CIBAR1: variants seen among roughly 807,000 people sequenced by gnomAD.
The protein encoded by CIBAR1 is CBY1 interacting BAR domain containing 1.
A neutral mutation model predicts 44.0 loss-of-function variants in CIBAR1; 25 were observed. That is an observed-to-expected ratio of 0.57 (90% CI 0.41 to 0.79). CIBAR1 has a LOEUF of 0.79. Ranked by LOEUF, CIBAR1 falls within the 30% of genes least tolerant of loss-of-function variation. The pLI, the probability that CIBAR1 is intolerant of heterozygous loss-of-function variation, is 0.00. For missense variants in CIBAR1, 278 were observed against 344.8 expected (o/e 0.81, Z 1.53); for synonymous variants, 115 against 119.0 (o/e 0.97, Z 0.22).
In CIBAR1 at chr8:93,701,254, T is replaced by G; in HGVS notation, c.57T>G (p.Ala19=). The change falls in exon 2 of 9, where the codon GCT becomes GCG. Residue 19 remains alanine (A), a synonymous_variant. Transcript: ENST00000518322. ...RNAQTKQLQT[A]VSNVEKHFGE... ...CTCAAACGAAACAACTGCAAACAGC[T>G]GTCTCAAATGTGGAGAAGCATTTTG... 6.2e-7 allele frequency: 1 copy of G among 1,613,642 alleles called. No homozygotes were observed. The highest frequency in any genetic ancestry group is 8.5e-7 in the Non-Finnish European group (1 of 1,179,754).
At chr8:93,710,836 CAAAAAAA>C (rs35465241) in intron 6 of CIBAR1, among the ~76,000 whole-genome samples, 1 of 120,600 alleles carries the variant, frequency 8.3e-6, no homozygotes, top group Admixed American at 8.8e-5. Flanking sequence ...GACTCTGACT[CAAAAAAA>C]AAAAAAAAAG....
At chr8:93,713,076 A>G (rs571908631) in intron 6 of CIBAR1, among the ~76,000 whole-genome samples, 123 of 122,006 alleles carry the variant, frequency 1.0e-3, no homozygotes, top group Non-Finnish European at 1.6e-3. Context: ...TCTGTCGCCC[A>G]GGCTGGAGTG....
intron 6 of CIBAR1, 38 bp downstream of exon 6, chr8:93,709,913 A>C (rs2130313829): frequency 1.4e-6 from 2 of 1,471,706 alleles, no homozygotes; most frequent in Non-Finnish European, 1.9e-6. Flanking sequence ...ACATGTTTTT[A>C]ACCTTTTTTT....
At chr8:93,720,373 A>G (rs1038043462) in intron 7 of CIBAR1, among the ~76,000 whole-genome samples, 4 of 152,180 alleles carry the variant, frequency 2.6e-5, no homozygotes, top group African/African-American at 7.2e-5. Flanking sequence ...TAAAACCAGA[A>G]TATAGGTTAA....
Position 93,704,920 on chromosome 8 carries a change from A to C in CIBAR1, c.342A>C (p.Lys114Asn). 6.2e-7 allele frequency: 1 copy of C among 1,602,606 alleles called. No individual in the cohort carries two copies. The highest frequency in any genetic ancestry group is 8.5e-7 in the Non-Finnish European group (1 of 1,175,924). The change falls in exon 4 of 9, where the codon AAA (lysine) becomes AAC (asparagine). Residue 114 changes from lysine to asparagine, a missense_variant. This residue lies in a region of CIBAR1 where 183 missense variants were observed against 218.6 expected (regional missense o/e 0.84). Coordinates refer to ENST00000518322, the MANE Select transcript of CIBAR1 (RefSeq NM_145269.5). ...ATGCCAATTTGCAGGATGACCTCAA[A>C]GCAACACTCACAGCAAGGAATCGAG... ...TIVKMKRDDL[K>N]ATLTARNREA... is the part of the protein sequence containing the mutation.
Position 93,728,398 on chromosome 8 carries a change from C to A in CIBAR1, c.*101C>A. 1 of 705,486 alleles carries A rather than the reference C, an allele frequency of 1.4e-6. No individual in the cohort carries two copies. The allele number at this position is 705,486 out of a possible 1,614,324, so 43.7% of individuals were successfully genotyped here. On this transcript the variant is annotated 3_prime_UTR_variant, in exon 9 of 9. Coordinates refer to ENST00000518322, the MANE Select transcript of CIBAR1 (RefSeq NM_145269.5). ...GCTATGTTAAGCCTCAAAGTGAAGT[C>A]CAACTGGAAACAGAAAAATAATTAA... is the stretch of plus-strand genomic sequence containing the variant.
chr8:93,703,714 AC>A, intron 3 of CIBAR1, 26 bp downstream of exon 3: 1 of 1,516,800 alleles, frequency 6.6e-7, no homozygotes, highest in Non-Finnish European at 8.9e-7. Flanking sequence ...TTCTCACTTA[AC>A]TGTGAGTTAC....
chr8:93,701,560 T>G, intron 2 of CIBAR1, 102 bp downstream of exon 2: 3 of 931,594 alleles, frequency 3.2e-6, no homozygotes, highest in Non-Finnish European at 4.9e-6. Flanking sequence ...ACTGCAGAGG[T>G]GGATGCAAAC....
rs1172271050 is a variant in CIBAR1 at position 93,730,547 on chromosome 8, G to A, written c.*2250G>A. 3 of 152,196 alleles carry A rather than the reference G, an allele frequency of 2.0e-5. No homozygotes were observed. The highest frequency in any genetic ancestry group is 2.9e-5 in the Non-Finnish European group (2 of 68,048). 9.4% of individuals were successfully genotyped at this position (152,196 alleles called of 1,614,324 possible). A position where few individuals can be genotyped will look rare whatever the true frequency, so the allele number is the denominator to read the frequency against. ...ACGACAATTACTGAAGCTGAGTGAT[G>A]TGTACATGAAAATTTACTATTCTTT... On this transcript the variant is annotated 3_prime_UTR_variant, in exon 9 of 9. Transcript: ENST00000518322.
Position 93,701,327 on chromosome 8 carries a change from C to T in CIBAR1, c.130C>T (p.Leu44=), listed in dbSNP as rs1402440499. The part of the protein sequence containing the change: ...FAAYVRKTAR[L]RDKADLLVNE... ...TGCCTATGTGCGGAAAACTGCCAGG[C>T]TGAGAGACAAAGCAGACCTCCTGGT... Residue 44 remains leucine, a synonymous_variant, in exon 2 of 9, where the codon CTG becomes TTG. Coordinates refer to ENST00000518322, the MANE Select transcript of CIBAR1 (RefSeq NM_145269.5). The T allele has an allele frequency of 4.3e-6, 7 of 1,613,698 alleles. No homozygotes were observed. The South Asian group carries it at 7.7e-5, about 18-fold the overall frequency.
chr8:93,703,552 G>T, intron 2 of CIBAR1, 68 bp from the exon 3 acceptor site: 2 of 901,010 alleles, frequency 2.2e-6, no homozygotes, highest in Non-Finnish European at 3.4e-6. Flanking sequence ...AATTTCTAGT[G>T]ATTAGCCTTT....
intron 5 of CIBAR1, among the ~76,000 whole-genome samples, chr8:93,709,089 G>A (rs961240057): frequency 6.6e-6 from 1 of 152,106 alleles, no homozygotes; most frequent in African/African-American, 2.4e-5. Flanking sequence ...GACCAGCCTG[G>A]CCAATGTGAC....
At position 93,702,043 on chromosome 8, in the gene CIBAR1, C is replaced by T. The variant is rs1810381499; in HGVS notation, c.261+585C>T. The T allele has an allele frequency of 3.1e-5, 7 of 226,472 alleles. No individual in the cohort carries two copies. In the South Asian group the frequency reaches 3.4e-4, roughly 11 times the overall value. The allele number at this position is 226,472 out of a possible 1,614,324, so 14.0% of individuals were successfully genotyped here. ...TGTGATTGTTTTCTTTCTAAAAGCC[C>T]ATATTTTTCCTTTAAATACTTAATA... On this transcript the variant is annotated intron_variant, in intron 2 of 8. Coordinates refer to ENST00000518322, the MANE Select transcript of CIBAR1 (RefSeq NM_145269.5).
intron 3 of CIBAR1, among the ~76,000 whole-genome samples, chr8:93,704,475 C>G (rs529600375): frequency 1.3e-5 from 2 of 152,282 alleles, no homozygotes; most frequent in African/African-American, 4.8e-5. Context: ...AGAGGCAGAG[C>G]TCAGGCCTTA....
In CIBAR1 at chr8:93,728,186, G is replaced by C. The variant is rs761479386; in HGVS notation, c.778-19G>C. On this transcript the variant is annotated intron_variant, in intron 8 of 8. Transcript: ENST00000518322. ...TAAGTTAGTATTTTTATTTTAAAAA[G>C]TGTGTTAACTTTTAACAGGTATCCA... 6 of 1,461,134 alleles carry C rather than the reference G, an allele frequency of 4.1e-6. No homozygotes were observed. Among genetic ancestry groups the C allele is most frequent in the Non-Finnish European group, 5.5e-6 (6 of 1,096,684 alleles). The allele number at this position is 1,461,134 out of a possible 1,614,324, so 90.5% of individuals were successfully genotyped here.
rs188146613 is a variant in CIBAR1 at position 93,707,774 on chromosome 8, A to G, written c.433-237A>G. ...GATTTTTTAAAATTCTACACCCCAT[A>G]TTGTAAATGTATATACAAACACAGA... is the stretch of plus-strand genomic sequence containing the variant. On this transcript the variant is annotated intron_variant, in intron 4 of 8. Transcript: ENST00000518322. Among the ~76,000 whole-genome samples the G allele has an allele frequency of 3.8e-4, 58 of 152,286 alleles. 1 individual carries two copies. In the East Asian group the frequency reaches 9.7e-3, roughly 25 times the overall value.
intron 2 of CIBAR1, among the ~76,000 whole-genome samples, chr8:93,702,950 T>C (rs901677841): frequency 7.2e-5 from 11 of 152,180 alleles, no homozygotes; most frequent in Admixed American, 2.0e-4. Flanking sequence ...AAAAAATCTC[T>C]CTTCAGTGCC....
chr8:93,730,236 A>C lies in CIBAR1; in HGVS notation c.*1939A>C, dbSNP rs1811734964. ...ATAAACAACAGCTAATATTTACTGC[A>C]AAAACAGAGGCAGCAAGGTCACTAC... On this transcript the variant is annotated 3_prime_UTR_variant, in exon 9 of 9. Transcript: ENST00000518322. 1 of 152,226 alleles carries C rather than the reference A, an allele frequency of 6.6e-6. No homozygotes were observed. Among genetic ancestry groups the C allele is most frequent in the African/African-American group, 2.4e-5 (1 of 41,454 alleles). 9.4% of individuals were successfully genotyped at this position (152,226 alleles called of 1,614,324 possible). A position where few individuals can be genotyped will look rare whatever the true frequency, so the allele number is the denominator to read the frequency against.
chr8:93,704,898 C>T lies in CIBAR1; in HGVS notation c.331-11C>T, dbSNP rs906320683. On this transcript the variant is annotated splice_polypyrimidine_tract_variant and intron_variant, in intron 3 of 8. Transcript: ENST00000518322. ...AGACATTTTTACTAACAAAAAAATG[C>T]CAATTTGCAGGATGACCTCAAAGCA... 3.9e-6 allele frequency: 6 copies of T among 1,532,304 alleles called. No homozygotes were observed. Among genetic ancestry groups the T allele is most frequent in the South Asian group, 1.3e-5 (1 of 79,608 alleles). The allele number at this position is 1,532,304 out of a possible 1,614,324, so 94.9% of individuals were successfully genotyped here. A position where few individuals can be genotyped will look rare whatever the true frequency, so the allele number is the denominator to read the frequency against.
Sources: allele counts gnomAD v4.1 joint callset (sites outside exome capture counted in the v4.1 genomes callset), GRCh38; gene constraint gnomAD v4.1.1; regional missense constraint gnomAD v4.1.1; transcripts MANE v1.5; gene names NCBI Gene and HGNC (gene_info 2026-07-23, HGNC 2026-07-21).